SDK2: variants seen among roughly 807,000 people sequenced by gnomAD.
SDK2 encodes sidekick cell adhesion molecule 2, also known as protein sidekick-2.
Under a neutral mutation model 253.9 loss-of-function variants are expected in SDK2, and 105 were observed. The ratio of observed to expected loss-of-function variants is 0.41; its 90% CI spans 0.35 to 0.49. The LOEUF is 0.49. Among genes scored for constraint, SDK2 ranks in the 20% least tolerant of loss-of-function variants. The probability of loss-of-function intolerance (pLI) is 0.06; values close to 1 mark genes in which losing one functional copy is unlikely to be tolerated. For synonymous variants in SDK2, 1,249 were observed against 1,234.9 expected, an observed-to-expected ratio of 1.01 and a Z score of -0.24; for missense variants, 2,608 against 3,003.0, an observed-to-expected ratio of 0.87 and a Z score of 3.07.
intron 17 of SDK2, among the ~76,000 whole-genome samples, chr17:73,415,335 T>C (rs1184121048): frequency 6.7e-6 from 1 of 150,288 alleles, no homozygotes; most frequent in Non-Finnish European, 1.5e-5. Context: ...CATAGTCTCT[T>C]TTCATTTCAT....
chr17:73,532,764 G>A (rs1334020921), intron 1 of SDK2, among the ~76,000 whole-genome samples: 1 of 152,032 alleles, frequency 6.6e-6, no homozygotes, highest in Non-Finnish European at 1.5e-5. Context: ...GGCATGCAGC[G>A]GGGCTTAGTT....
At chr17:73,528,384 C>T (rs1315411377) in intron 1 of SDK2, among the ~76,000 whole-genome samples, 1 of 152,182 alleles carries the variant, frequency 6.6e-6, no homozygotes, top group African/African-American at 2.4e-5. Context: ...TTGCAATGTG[C>T]CAGGTTGTCC....
Position 73,466,724 on chromosome 17 carries a change from C to CT in SDK2, c.331+5387_331+5388insA, listed in dbSNP as rs886771870. Among the ~76,000 whole-genome samples, 26 of 142,684 alleles carry CT rather than the reference C, an allele frequency of 1.8e-4. 5 individuals are homozygous for CT. The highest frequency in any genetic ancestry group is 4.3e-4 in the South Asian group (2 of 4,626). 93.6% of individuals were successfully genotyped at this position (142,684 alleles called of 152,430 possible). A position where few individuals can be genotyped will look rare whatever the true frequency, so the allele number is the denominator to read the frequency against. Reference sequence around the variant, plus strand: ...GGAGGCTCTGGGGAACGCCCCCCCCCCCCGGCTTAGGCTCTGCATCTTTGG... The same window carrying CT: ...GGAGGCTCTGGGGAACGCCCCCCCCCTCCCGGCTTAGGCTCTGCATCTTTGG... On this transcript the variant is annotated intron_variant, in intron 3 of 44. Coordinates refer to ENST00000392650, the MANE Select transcript of SDK2 (RefSeq NM_001144952.2).
intron 1 of SDK2, among the ~76,000 whole-genome samples, chr17:73,521,902 G>A (rs1247266028): frequency 6.6e-6 from 1 of 152,184 alleles, no homozygotes; most frequent in East Asian, 1.9e-4. Context: ...TGAGGGCTTG[G>A]CACACAGAGA....
At chr17:73,472,872 C>G (rs367658596) in intron 2 of SDK2, among the ~76,000 whole-genome samples, 1 of 152,180 alleles carries the variant, frequency 6.6e-6, no homozygotes, top group Admixed American at 6.5e-5. Flanking sequence ...AGTTTCCCTG[C>G]ACAAGTTCTC....
At chr17:73,464,283 C>A (rs776553529) in intron 3 of SDK2, among the ~76,000 whole-genome samples, 5 of 152,132 alleles carry the variant, frequency 3.3e-5, no homozygotes, top group Admixed American at 6.5e-5. Flanking sequence ...TCCCCCATAC[C>A]GTTCTCGTGA....
intron 1 of SDK2, among the ~76,000 whole-genome samples, chr17:73,621,958 G>A (rs1443168182): frequency 6.6e-6 from 1 of 152,192 alleles, no homozygotes; most frequent in Admixed American, 6.5e-5. Flanking sequence ...GATAACCAAC[G>A]ACTCATCATA....
At position 73,383,729 on chromosome 17, in the gene SDK2, G is replaced by T; in HGVS notation, c.4705+147C>A. On this transcript the variant is annotated intron_variant, in intron 33 of 44. Coordinates refer to ENST00000392650, the MANE Select transcript of SDK2 (RefSeq NM_001144952.2). This position sits in a 1 kb window ranked among gnomAD's most constrained non-coding sequence, Gnocchi z 4.3. ...GTAAATATTCAGTAAATGAATGAATGGGATGGGAGGAGGGAGAGGCACACA... is the reference window on the plus strand; with the variant it reads ...GTAAATATTCAGTAAATGAATGAATTGGATGGGAGGAGGGAGAGGCACACA... 1.1e-6 allele frequency: 1 copy of T among 888,036 alleles called. No individual in the cohort carries two copies. The highest frequency in any genetic ancestry group is 2.6e-5 in the East Asian group (1 of 38,312). 55.0% of individuals were successfully genotyped at this position (888,036 alleles called of 1,614,324 possible).
At chr17:73,377,222 C>CA (rs2062789724) in intron 36 of SDK2, among the ~76,000 whole-genome samples, 1 of 134,006 alleles carries the variant, frequency 7.5e-6, no homozygotes, top group Admixed American at 7.4e-5. Context: ...TTTTTTTTTT[C>CA]TTTTTTTTTT....
intron 1 of SDK2, among the ~76,000 whole-genome samples, chr17:73,562,665 AC>A (rs1469288462): frequency 6.6e-6 from 1 of 152,008 alleles, no homozygotes; most frequent in Admixed American, 6.6e-5. Context: ...TGAGGATGAG[AC>A]CTGGGGCTGG....
At position 73,562,534 on chromosome 17, in the gene SDK2, C is replaced by T. The variant is rs76017182; in HGVS notation, c.65-54937G>A. Among the ~76,000 whole-genome samples, 826 of 152,124 alleles carry T rather than the reference C, an allele frequency of 5.4e-3. 3 individuals carry two copies. Among genetic ancestry groups the T allele is most frequent in the African/African-American group, 0.019 (789 of 41,508 alleles). On this transcript the variant is annotated intron_variant, in intron 1 of 44. Coordinates refer to ENST00000392650, the MANE Select transcript of SDK2 (RefSeq NM_001144952.2). The stretch of plus-strand genomic sequence containing the variant: ...GAATCTGGGGGAACATGAGGCCAGG[C>T]ACTTCTCAAAGAAGAGAGAGAGACA...
At chr17:73,471,583 G>T (rs1332968621) in intron 3 of SDK2, among the ~76,000 whole-genome samples, 1 of 152,186 alleles carries the variant, frequency 6.6e-6, no homozygotes, top group Non-Finnish European at 1.5e-5. Flanking sequence ...GGATGACAGA[G>T]TGAGACTCCA....
At chr17:73,416,113 C>T (rs1362868456) in intron 16 of SDK2, 121 bp from the exon 17 acceptor site, 4 of 852,994 alleles carry the variant, frequency 4.7e-6, no homozygotes, top group Non-Finnish European at 7.1e-6. Context: ...GTGCTCTGCA[C>T]CTGTGCTGTC....
intron 1 of SDK2, among the ~76,000 whole-genome samples, chr17:73,571,671 T>C (rs866197622): frequency 2.6e-5 from 4 of 152,220 alleles, no homozygotes; most frequent in Admixed American, 1.3e-4. Context: ...GTGTGGGGCA[T>C]GTGCCCAGCG....
intron 1 of SDK2, among the ~76,000 whole-genome samples, chr17:73,584,595 T>C (rs1308181511): frequency 6.6e-6 from 1 of 152,148 alleles, no homozygotes; most frequent in African/African-American, 2.4e-5. Context: ...CTGGGACCAG[T>C]GCTGGATCAA....
intron 1 of SDK2, among the ~76,000 whole-genome samples, chr17:73,617,227 C>T (rs2046070993): frequency 7.4e-6 from 1 of 135,652 alleles, no homozygotes; most frequent in South Asian, 2.5e-4. Flanking sequence ...GGAGAGGGCT[C>T]CCGCAGAGGG....
chr17:73,566,317 ATATGTGTGTGTG>A (rs1371976601), intron 1 of SDK2, among the ~76,000 whole-genome samples: 2 of 143,914 alleles, frequency 1.4e-5, no homozygotes, highest in African/African-American at 2.7e-5. Context: ...TCTTATATAT[ATATGTGTGTGTG>A]TGTGTGTGTG....
intron 1 of SDK2, among the ~76,000 whole-genome samples, chr17:73,550,012 G>A (rs530595210): frequency 7.9e-5 from 12 of 152,268 alleles, no homozygotes; most frequent in Middle Eastern, 3.4e-3. Context: ...AGACACTAAT[G>A]CACCCCTCCC....
intron 1 of SDK2, among the ~76,000 whole-genome samples, chr17:73,603,975 G>A (rs996559527): frequency 2.6e-5 from 4 of 152,242 alleles, no homozygotes; most frequent in African/African-American, 7.2e-5. Context: ...AGGGGGAAGC[G>A]CAGAACCCAC....
Sources: allele counts gnomAD v4.1 joint callset (sites outside exome capture counted in the v4.1 genomes callset), GRCh38; gene constraint gnomAD v4.1.1; non-coding constraint Gnocchi (gnomAD v3.1); transcripts MANE v1.5; gene names NCBI Gene and HGNC (gene_info 2026-07-23, HGNC 2026-07-21).